SLC39A11: variants seen among roughly 807,000 people sequenced by gnomAD.
The protein encoded by SLC39A11 is solute carrier family 39 member 11.
In SLC39A11, 33 loss-of-function variants were observed where a neutral mutation model predicts 36.1. The ratio of observed to expected loss-of-function variants is 0.91; its 90% CI spans 0.69 to 1.22. The LOEUF (loss-of-function observed/expected upper bound fraction) is 1.22, where lower values mean the gene tolerates loss of function less well. Ranked by LOEUF, SLC39A11 falls within the 50% of genes most tolerant of loss-of-function variation. The probability of loss-of-function intolerance (pLI) is 0.00; values close to 1 mark genes in which losing one functional copy is unlikely to be tolerated. For missense variants in SLC39A11, 432 were observed against 430.3 expected (o/e 1.00, Z -0.03); for synonymous variants, 166 against 170.3 (o/e 0.97, Z 0.20).
chr17:72,776,119 T>A (rs746935438), intron 6 of SLC39A11, among the ~76,000 whole-genome samples: 18 of 152,234 alleles, frequency 1.2e-4, no homozygotes, highest in Non-Finnish European at 2.4e-4. Context: ...CCTGAGACTC[T>A]GCTTTCAAGT....
chr17:72,993,857 C>T (rs7210320), intron 4 of SLC39A11, among the ~76,000 whole-genome samples: 6,905 of 152,174 alleles, frequency 0.045, 562 homozygotes, highest in African/African-American at 0.16. Flanking sequence ...TCAGCACCCC[C>T]AATATGGTTT....
intron 3 of SLC39A11, among the ~76,000 whole-genome samples, chr17:73,042,431 T>C (rs900339815): frequency 6.6e-6 from 1 of 152,134 alleles, no homozygotes; most frequent in Admixed American, 6.6e-5. Flanking sequence ...CAAAGGAACA[T>C]AGACTCTAAC....
chr17:73,004,232 A>AAAAGAAAAG (rs370681706), intron 4 of SLC39A11, among the ~76,000 whole-genome samples: 4,622 of 88,864 alleles, frequency 0.052, 528 homozygotes, highest in East Asian at 0.13. Flanking sequence ...AGAAAGAAAG[A>AAAAGAAAAG]AAAGAAAGAA....
At chr17:72,838,315 A>C (rs1434001214) in intron 6 of SLC39A11, among the ~76,000 whole-genome samples, 1 of 149,668 alleles carries the variant, frequency 6.7e-6, no homozygotes, top group Admixed American at 6.7e-5. Context: ...TGCAGCCTTG[A>C]CCTCCAGGGT....
At chr17:72,690,386 A>C (rs1598354294) in intron 7 of SLC39A11, among the ~76,000 whole-genome samples, 1 of 152,310 alleles carries the variant, frequency 6.6e-6, no homozygotes, top group East Asian at 1.9e-4. Flanking sequence ...GGCTCTCAGA[A>C]GAAGGGAGAA....
chr17:72,787,253 CTTTTTT>C (rs56100121), intron 6 of SLC39A11, among the ~76,000 whole-genome samples: 1 of 80,484 alleles, frequency 1.2e-5, no homozygotes, highest in Non-Finnish European at 2.2e-5. Flanking sequence ...TAACCCATGG[CTTTTTT>C]TTTTTTTTTT....
At chr17:73,036,114 T>C (rs916325642) in intron 3 of SLC39A11, among the ~76,000 whole-genome samples, 3 of 152,212 alleles carry the variant, frequency 2.0e-5, no homozygotes, top group African/African-American at 7.2e-5. Flanking sequence ...TTAAAATCAC[T>C]GTGGACTTCA....
At chr17:72,976,243 A>G (rs557873239) in intron 4 of SLC39A11, among the ~76,000 whole-genome samples, 1 of 151,408 alleles carries the variant, frequency 6.6e-6, no homozygotes, top group East Asian at 1.9e-4. Flanking sequence ...GAATTTTTAA[A>G]TTATTATTAT....
chr17:72,998,586 C>CA (rs1023001120), intron 4 of SLC39A11, among the ~76,000 whole-genome samples: 3 of 152,024 alleles, frequency 2.0e-5, no homozygotes, highest in African/African-American at 7.3e-5. Context: ...AAAACAAAGA[C>CA]GTGATAGGAA....
chr17:72,933,187 T>TTAGA (rs1392463863), intron 5 of SLC39A11, among the ~76,000 whole-genome samples: 1 of 152,192 alleles, frequency 6.6e-6, no homozygotes, highest in Non-Finnish European at 1.5e-5. Context: ...CCAAGGAATC[T>TTAGA]ACCAAAAAAT....
At chr17:72,951,051 CA>C (rs893016179) in intron 4 of SLC39A11, among the ~76,000 whole-genome samples, 4 of 151,188 alleles carry the variant, frequency 2.6e-5, no homozygotes, top group Non-Finnish European at 5.9e-5. Flanking sequence ...CACTTGAGCC[CA>C]GGAGTTCGAG....
At chr17:72,824,233 A>G (rs1001092565) in intron 6 of SLC39A11, among the ~76,000 whole-genome samples, 1 of 150,880 alleles carries the variant, frequency 6.6e-6, no homozygotes, top group East Asian at 1.9e-4. Flanking sequence ...TCATTGTTTA[A>G]AAGTGTGTAG....
At chr17:72,981,690 A>G (rs1415812744) in intron 4 of SLC39A11, among the ~76,000 whole-genome samples, 1 of 152,250 alleles carries the variant, frequency 6.6e-6, no homozygotes, top group Non-Finnish European at 1.5e-5. Context: ...GAATCAAAAA[A>G]GACTAAGTTC....
chr17:72,982,926 C>CA (rs1388315526), intron 4 of SLC39A11, among the ~76,000 whole-genome samples: 1 of 152,150 alleles, frequency 6.6e-6, no homozygotes, highest in African/African-American at 2.4e-5. Flanking sequence ...AGCAGAAACA[C>CA]AGAGTGTCTA....
At chr17:72,653,198 G>C (rs137965536) in intron 7 of SLC39A11, among the ~76,000 whole-genome samples, 2 of 151,560 alleles carry the variant, frequency 1.3e-5, no homozygotes, top group Non-Finnish European at 2.9e-5. Flanking sequence ...TTCACCTCTG[G>C]GGTTCAAGCG....
intron 3 of SLC39A11, among the ~76,000 whole-genome samples, chr17:73,084,175 C>T (rs572620332): frequency 4.6e-5 from 7 of 152,176 alleles, no homozygotes; most frequent in East Asian, 1.9e-4. Flanking sequence ...CCATAACTCA[C>T]GCCTGTAATC....
intron 7 of SLC39A11, among the ~76,000 whole-genome samples, chr17:72,690,552 C>T (rs1011562362): frequency 6.6e-6 from 1 of 152,208 alleles, no homozygotes; most frequent in African/African-American, 2.4e-5. Flanking sequence ...AGGTGGAAAC[C>T]ACCCAAATGT....
chr17:72,843,830 A>G (rs185225612), intron 6 of SLC39A11, among the ~76,000 whole-genome samples: 184 of 152,286 alleles, frequency 1.2e-3, no homozygotes, highest in African/African-American at 4.1e-3. Context: ...TTGACCTTGC[A>G]CATGTGTATT....
At chr17:72,912,716 G>A (rs1377551793) in intron 5 of SLC39A11, among the ~76,000 whole-genome samples, 2 of 152,194 alleles carry the variant, frequency 1.3e-5, no homozygotes, top group Non-Finnish European at 2.9e-5. Context: ...CCAGAGCAGA[G>A]CATCTCACTT....
Sources: allele counts gnomAD v4.1 joint callset (sites outside exome capture counted in the v4.1 genomes callset), GRCh38; gene constraint gnomAD v4.1.1; transcripts MANE v1.5; gene names NCBI Gene and HGNC (gene_info 2026-07-23, HGNC 2026-07-21).